The following PSD variants were observed in gnomAD, a reference collection of about 807,000 sequenced individuals.
PSD encodes PH and SEC7 domain-containing protein 1.
A neutral mutation model predicts 91.6 loss-of-function variants in PSD; 32 were observed. The observed-to-expected ratio is 0.35, with a 90% CI of 0.26 to 0.47. The LOEUF (loss-of-function observed/expected upper bound fraction) is 0.47. PSD is among the 20% of genes least tolerant of loss of function. The pLI, the probability that PSD is intolerant of heterozygous loss-of-function variation, is 1.00. For missense variants in PSD, 1,099 were observed against 1,373.9 expected (o/e 0.80, Z 3.16); for synonymous variants, 532 against 569.3 (o/e 0.93, Z 0.93).
rs1486590863 is a variant in PSD, at chr10:102,405,329, G to A, written c.2326+17C>T. The A allele has an allele frequency of 7.5e-6, 12 of 1,607,752 alleles. No homozygotes were observed. Among genetic ancestry groups the A allele is most frequent in the East Asian group, 6.7e-5 (3 of 44,800 alleles). ...TCCATCCCCTAGACGCCCGCCCCCC[G>A]CAACTCGGCCACATACTCTTCCTGC... On this transcript the variant is annotated intron_variant, in intron 12 of 16. Coordinates refer to ENST00000020673, the MANE Select transcript of PSD (RefSeq NM_002779.5). This position sits in a 1 kb window ranked among gnomAD's most constrained non-coding sequence, Gnocchi z 5.4.
chr10:102,409,191 A>G lies in PSD; in HGVS notation c.2091+1667T>C. 1.0e-6 allele frequency: 1 copy of G among 980,626 alleles called. No homozygotes were observed. The highest frequency in any genetic ancestry group is 1.2e-6 in the Non-Finnish European group (1 of 828,268). The allele number at this position is 980,626 out of a possible 1,614,324, so 60.7% of individuals were successfully genotyped here. A position where few individuals can be genotyped will look rare whatever the true frequency, so the allele number is the denominator to read the frequency against. On this transcript the variant is annotated intron_variant, in intron 10 of 16. Coordinates refer to ENST00000020673, the MANE Select transcript of PSD (RefSeq NM_002779.5). The surrounding 1 kb of genome is among the most constrained non-coding windows in gnomAD (Gnocchi z 5.7). ...CCCGCGGACCGCTCCCCCGACAGCC[A>G]GCGCGAGCGGCGCGGCCCGGCCCGA...
rs768166922 is a variant in PSD, at chr10:102,416,508, C to T, written c.531G>A (p.Pro177=). ...LPGSRNLVHG[P]PAPPQVGADG... is the part of the protein sequence containing the mutation. The stretch of plus-strand genomic sequence containing the variant: ...CTGCTCCAACCTGGGGTGGGGCTGG[C>T]GGCCCATGTACAAGGTTCCGGCTGC... The change falls in exon 2 of 17, where the codon CCG becomes CCA. Residue 177 remains proline, a synonymous_variant. Coordinates refer to ENST00000020673, the MANE Select transcript of PSD (RefSeq NM_002779.5). The surrounding 1 kb of genome is among the most constrained non-coding windows in gnomAD (Gnocchi z 6.0). The T allele has an allele frequency of 1.4e-5, 23 of 1,612,386 alleles. 1 individual carries two copies. Among genetic ancestry groups the T allele is most frequent in the South Asian group, 1.2e-4 (11 of 90,920 alleles).
At position 102,416,399 on chromosome 10, in the gene PSD, C is replaced by G; in HGVS notation, c.640G>C (p.Gly214Arg). The G allele has an allele frequency of 6.2e-7, 1 of 1,602,188 alleles. No homozygotes were observed. Among genetic ancestry groups the G allele is most frequent in the East Asian group, 2.2e-5 (1 of 44,468 alleles). ...AAGTTGCATACCTGGTTCAGGAATC[C>G]AGTGTCAGCAGGTCCTCCGAAGAGT... is the stretch of plus-strand genomic sequence containing the variant. ...ATLFGGPADT[G>R]FLNQGDTWSS... The change falls in exon 2 of 17, where the codon GGA becomes CGA. Residue 214 changes from glycine to arginine, a missense_variant. Physicochemically the swap from Gly to Arg is moderately radical, Grantham distance 125. Coordinates refer to ENST00000020673, the MANE Select transcript of PSD (RefSeq NM_002779.5). The surrounding 1 kb of genome is among the most constrained non-coding windows in gnomAD (Gnocchi z 6.0).
Position 102,415,092 on chromosome 10 carries a change from T to C in PSD, c.895A>G (p.Thr299Ala). The C allele has an allele frequency of 6.2e-7, 1 of 1,613,968 alleles. No individual in the cohort carries two copies. Among genetic ancestry groups the C allele is most frequent in the South Asian group, 1.1e-5 (1 of 91,066 alleles). Reference sequence around the variant, plus strand: ...TCAGCCAGCACCTCATCGATGTCAGTCTCGCGGTAGCACCTCAGGGGCACC... The same window carrying C: ...TCAGCCAGCACCTCATCGATGTCAGCCTCGCGGTAGCACCTCAGGGGCACC... ...DTVPLRCYRE[T>A]DIDEVLAERE... is the part of the protein sequence containing the mutation. The change falls in exon 4 of 17, where the codon ACT becomes GCT. Residue 299 changes from threonine (T) to alanine (A), a missense_variant. Coordinates refer to ENST00000020673, the MANE Select transcript of PSD (RefSeq NM_002779.5).
chr10:102,402,681 G>A lies in PSD; in HGVS notation c.*519C>T. On this transcript the variant is annotated 3_prime_UTR_variant, in exon 17 of 17. Transcript: ENST00000020673. ...ACAAAGGGCAAGGCCCACTGAAGCG[G>A]GGGAAAGCCAGGCCGTGCTGCCCCC... 1 of 329,706 alleles carries A rather than the reference G, an allele frequency of 3.0e-6. No homozygotes were observed. Among genetic ancestry groups the A allele is most frequent in the Non-Finnish European group, 5.5e-6 (1 of 180,658 alleles). The allele number at this position is 329,706 out of a possible 1,614,324, so 20.4% of individuals were successfully genotyped here.
At position 102,413,722 on chromosome 10, in the gene PSD, T is replaced by G. The variant is rs748824958; in HGVS notation, c.1553+47A>C. Reference sequence around the variant, plus strand: ...ATCTGTCCCTTACAGCAGCTGTTTCTGGAGCCCTGGGGGCCTCAAGTCTGA... The same window carrying G: ...ATCTGTCCCTTACAGCAGCTGTTTCGGGAGCCCTGGGGGCCTCAAGTCTGA... On this transcript the variant is annotated intron_variant, in intron 5 of 16. Coordinates refer to ENST00000020673, the MANE Select transcript of PSD (RefSeq NM_002779.5). The G allele has an allele frequency of 6.0e-5, 92 of 1,543,906 alleles. 1 individual carries two copies. The South Asian group carries it at 1.1e-3, about 18-fold the overall frequency.
chr10:102,404,498 A>C lies in PSD; in HGVS notation c.2700+85T>G. On this transcript the variant is annotated intron_variant, in intron 15 of 16. Transcript: ENST00000020673. This position sits in a 1 kb window ranked among gnomAD's most constrained non-coding sequence, Gnocchi z 5.7. Reference sequence around the variant, plus strand: ...TCCTGGTGCAGGGGACATCTCCACGATCACACGCAGCAGCCTTGAGTGCAG... The same window carrying C: ...TCCTGGTGCAGGGGACATCTCCACGCTCACACGCAGCAGCCTTGAGTGCAG... The C allele has an allele frequency of 6.7e-7, 1 of 1,496,068 alleles. No homozygotes were observed. The highest frequency in any genetic ancestry group is 2.0e-5 in the Admixed American group (1 of 49,562). The allele number at this position is 1,496,068 out of a possible 1,614,324, so 92.7% of individuals were successfully genotyped here. A position where few individuals can be genotyped will look rare whatever the true frequency, so the allele number is the denominator to read the frequency against.
chr10:102,412,202 C>A lies in PSD; in HGVS notation c.1774G>T (p.Gly592Trp). Residue 592 changes from glycine to tryptophan, a missense_variant, in exon 7 of 17, where the codon GGG becomes TGG. By Grantham distance (184) the Gly-to-Trp change is radical. Transcript: ENST00000020673. ...AAGACAAAGAACTTGAGGTACTCCC[C>A]AGCCACCAGTTTGCTGAAGTCATTG... ...KNNDFSKLVA[G>W]EYLKFFVFTG... 1 of 1,614,198 alleles carries A rather than the reference C, an allele frequency of 6.2e-7. No individual in the cohort carries two copies. Among genetic ancestry groups the A allele is most frequent in the Non-Finnish European group, 8.5e-7 (1 of 1,180,028 alleles).
rs745558876 is a variant in PSD, at chr10:102,404,858, G to C, written c.2555+40C>G. On this transcript the variant is annotated intron_variant, in intron 14 of 16. Transcript: ENST00000020673. This position sits in a 1 kb window ranked among gnomAD's most constrained non-coding sequence, Gnocchi z 5.7. ...CAGGGAGGGGAGCAGGATGGGAGGT[G>C]GGGGAAGGGGTCCGGGATGGGCAGG... 6 of 1,603,334 alleles carry C rather than the reference G, an allele frequency of 3.7e-6. No homozygotes were observed. Among genetic ancestry groups the C allele is most frequent in the Non-Finnish European group, 5.1e-6 (6 of 1,174,004 alleles).
At chr10:102,417,372 A>G (rs1347178057) in intron 1 of PSD, among the ~76,000 whole-genome samples, 1 of 151,926 alleles carries the variant, frequency 6.6e-6, no homozygotes, top group East Asian at 1.9e-4. Context: ...CCCTGGGAGG[A>G]GAGAGGAAGC....
rs1226255587 is a variant in PSD, at chr10:102,409,569, T to A, written c.2091+1289A>T. Among the ~76,000 whole-genome samples, 1 of 151,922 alleles carries A rather than the reference T, an allele frequency of 6.6e-6. No homozygotes were observed. The highest frequency in any genetic ancestry group is 1.5e-5 in the Non-Finnish European group (1 of 67,954). ...TCGGACCGCTTCCCTGCAGCCCTTT[T>A]CCACTGAGCCAAGAGGGGCCTCGAG... On this transcript the variant is annotated intron_variant, in intron 10 of 16. Coordinates refer to ENST00000020673, the MANE Select transcript of PSD (RefSeq NM_002779.5). This position sits in a 1 kb window ranked among gnomAD's most constrained non-coding sequence, Gnocchi z 5.7.
intron 1 of PSD, among the ~76,000 whole-genome samples, chr10:102,417,380 A>G (rs2061493796): frequency 1.3e-5 from 2 of 152,212 alleles, no homozygotes; most frequent in South Asian, 4.1e-4. Flanking sequence ...GGAGAGAGGA[A>G]GCAACTTCAA....
rs1377547601 is a variant in PSD at position 102,410,904 on chromosome 10, A to G, written c.2045T>C (p.Leu682Pro). 6.2e-7 allele frequency: 1 copy of G among 1,613,662 alleles called. No homozygotes were observed. Among genetic ancestry groups the G allele is most frequent in the Non-Finnish European group, 8.5e-7 (1 of 1,179,828 alleles). Residue 682 changes from leucine to proline, a missense_variant, in exon 10 of 17, where the codon CTG becomes CCG. This residue lies in a region of PSD where 110 missense variants were observed against 218.7 expected (regional missense o/e 0.50). Coordinates refer to ENST00000020673, the MANE Select transcript of PSD (RefSeq NM_002779.5). The surrounding 1 kb of genome is among the most constrained non-coding windows in gnomAD (Gnocchi z 6.0). ...RMTCGDFIGNLEGLNDGGDFP... is the reference protein window; with the variant it reads ...RMTCGDFIGNPEGLNDGGDFP... ...GTCGCCGCCATCATTGAGGCCCTCC[A>G]GGTTCCCGATGAAGTCCCCGCAGGT...
chr10:102,414,060 G>A lies in PSD; in HGVS notation c.1262C>T (p.Thr421Ile). 6.2e-7 allele frequency: 1 copy of A among 1,614,140 alleles called. No individual in the cohort carries two copies. Among genetic ancestry groups the A allele is most frequent in the African/African-American group, 1.3e-5 (1 of 75,042 alleles). The change falls in exon 5 of 17, where the codon ACC becomes ATC. Residue 421 changes from threonine to isoleucine, a missense_variant. Physicochemically the swap from Thr to Ile is moderately conservative, Grantham distance 89. Around this residue, in one of 3 missense-constraint regions of PSD, gnomAD observed 631 missense variants for 728.8 expected, o/e 0.87. Transcript: ENST00000020673. This position sits in a 1 kb window ranked among gnomAD's most constrained non-coding sequence, Gnocchi z 5.6. ...CAAGGCCTCCAGCGAGGCGAGGCTGGTATAGGAGGTGCCTTTGGCCCGGTG... is the reference window on the plus strand; with the variant it reads ...CAAGGCCTCCAGCGAGGCGAGGCTGATATAGGAGGTGCCTTTGGCCCGGTG... ...ESHRAKGTSYTSLASLEALAS... is the reference protein window; with the variant it reads ...ESHRAKGTSYISLASLEALAS...
Position 102,416,688 on chromosome 10 carries a change from T to C in PSD, c.351A>G (p.Leu117=), listed in dbSNP as rs1400882612. ...EKASVRPLNG[L]PAPGGLSRSW... ...TCCGACTCAAGCCCCCTGGAGCAGG[T>C]AGCCCATTCAGTGGCCTCACACTGG... Residue 117 remains leucine, a synonymous_variant, in exon 2 of 17, where the codon CTA becomes CTG. Transcript: ENST00000020673. The surrounding 1 kb of genome is among the most constrained non-coding windows in gnomAD (Gnocchi z 6.0). 1 of 1,608,422 alleles carries C rather than the reference T, an allele frequency of 6.2e-7. No individual in the cohort carries two copies. The highest frequency in any genetic ancestry group is 2.2e-5 in the East Asian group (1 of 44,854).
chr10:102,405,478 T>G lies in PSD; in HGVS notation c.2194A>C (p.Ile732Leu). The change falls in exon 12 of 17, where the codon ATC becomes CTC. Residue 732 changes from isoleucine (I) to leucine (L), a missense_variant. Physicochemically the swap from Ile to Leu is conservative, Grantham distance 5 (BLOSUM62 2). Around this residue, in one of 3 missense-constraint regions of PSD, gnomAD observed 358 missense variants for 426.5 expected, o/e 0.84. Transcript: ENST00000020673. This position sits in a 1 kb window ranked among gnomAD's most constrained non-coding sequence, Gnocchi z 5.4. ...SELADPNPKV[I>L]KRISGGSGSG... is the part of the protein sequence containing the mutation. Reference sequence around the variant, plus strand: ...CCACTGCCCCCGCTGATCCGCTTGATGACCTTGGGGTTGGGGTCGGCCAAC... The same window carrying G: ...CCACTGCCCCCGCTGATCCGCTTGAGGACCTTGGGGTTGGGGTCGGCCAAC... 6.2e-7 allele frequency: 1 copy of G among 1,614,016 alleles called. No homozygotes were observed. The highest frequency in any genetic ancestry group is 8.5e-7 in the Non-Finnish European group (1 of 1,179,994).
At position 102,416,108 on chromosome 10, in the gene PSD, C is replaced by G. The variant is rs1484745520; in HGVS notation, c.666G>C (p.Trp222Cys). 2 of 1,612,816 alleles carry G rather than the reference C, an allele frequency of 1.2e-6. No homozygotes were observed. Among genetic ancestry groups the G allele is most frequent in the Non-Finnish European group, 1.7e-6 (2 of 1,179,330 alleles). The change falls in exon 3 of 17, where the codon TGG (tryptophan) becomes TGC (cysteine). Residue 222 changes from tryptophan to cysteine, a missense_variant. By Grantham distance (215) the Trp-to-Cys change is radical. This residue lies in a region of PSD where 631 missense variants were observed against 728.8 expected (regional missense o/e 0.87). Coordinates refer to ENST00000020673, the MANE Select transcript of PSD (RefSeq NM_002779.5). This position sits in a 1 kb window ranked among gnomAD's most constrained non-coding sequence, Gnocchi z 6.0. Reference protein sequence around the residue: ...DTGFLNQGDTWSSPREVSSHA... With the variant: ...DTGFLNQGDTCSSPREVSSHA... ...GAGAGGAGACTTCCCGGGGGGAGGA[C>G]CAGGTATCCCCCTGAGCCAACGAGG...
rs749968900 is a variant in PSD at position 102,410,979 on chromosome 10, G to C, written c.2002-32C>G. ...AAGGGAACGGAGGCCTGTGAGTTTG[G>C]AGGGCCCTTGGCCTCCCAGGTCCTG... On this transcript the variant is annotated intron_variant, in intron 9 of 16. Transcript: ENST00000020673. This position sits in a 1 kb window ranked among gnomAD's most constrained non-coding sequence, Gnocchi z 6.0. The C allele has an allele frequency of 6.2e-7, 1 of 1,612,538 alleles. No homozygotes were observed. Among genetic ancestry groups the C allele is most frequent in the Non-Finnish European group, 8.5e-7 (1 of 1,178,514 alleles).
Position 102,414,278 on chromosome 10 carries a change from T to G in PSD, c.1125-81A>C. The G allele has an allele frequency of 7.8e-7, 1 of 1,286,920 alleles. No homozygotes were observed. The highest frequency in any genetic ancestry group is 1.1e-6 in the Non-Finnish European group (1 of 923,828). The allele number at this position is 1,286,920 out of a possible 1,614,324, so 79.7% of individuals were successfully genotyped here. On this transcript the variant is annotated intron_variant, in intron 4 of 16. Transcript: ENST00000020673. The surrounding 1 kb of genome is among the most constrained non-coding windows in gnomAD (Gnocchi z 5.6). ...GATTTCACTGAACTCTCACACTGAC[T>G]CTGCTAAGGGGATTATCATCCCCTT...
Sources: allele counts gnomAD v4.1 joint callset (sites outside exome capture counted in the v4.1 genomes callset), GRCh38; gene constraint gnomAD v4.1.1; regional missense constraint gnomAD v4.1.1; non-coding constraint Gnocchi (gnomAD v3.1); transcripts MANE v1.5; gene names NCBI Gene and HGNC (gene_info 2026-07-23, HGNC 2026-07-21).